Variants in LRMDA observed in about 807,000 individuals in gnomAD.
The protein encoded by LRMDA is leucine-rich melanocyte differentiation-associated protein.
In LRMDA, 18 loss-of-function variants were observed where a neutral mutation model predicts 29.8. The observed-to-expected ratio is 0.60, with a 90% CI of 0.42 to 0.90. The LOEUF (loss-of-function observed/expected upper bound fraction) is 0.90. Among genes scored for constraint, LRMDA ranks in the 40% least tolerant of loss-of-function variants. The probability of loss-of-function intolerance (pLI) is 0.00; values close to 1 mark genes in which losing one functional copy is unlikely to be tolerated. For missense variants in LRMDA, 273 were observed against 273.9 expected, an observed-to-expected ratio of 1.00 and a Z score of 0.02; for synonymous variants, 125 against 109.4, an observed-to-expected ratio of 1.14 and a Z score of -0.89.
intron 2 of LRMDA, among the ~76,000 whole-genome samples, chr10:75,572,617 A>T (rs1172609562): frequency 6.6e-6 from 1 of 152,218 alleles, no homozygotes; most frequent in Non-Finnish European, 1.5e-5. Context: ...TTATAACTTT[A>T]TTTGAAAATA....
At chr10:75,963,768 A>G (rs760544080) in intron 2 of LRMDA, among the ~76,000 whole-genome samples, 1 of 152,248 alleles carries the variant, frequency 6.6e-6, no homozygotes, top group Non-Finnish European at 1.5e-5. Flanking sequence ...AGTGCTTTGA[A>G]CAATACAAAG....
intron 2 of LRMDA, among the ~76,000 whole-genome samples, chr10:76,034,590 C>T (rs893760462): frequency 1.3e-5 from 2 of 152,102 alleles, no homozygotes; most frequent in African/African-American, 4.8e-5. Flanking sequence ...TTTTATACCT[C>T]GTAAGTATTG....
At chr10:76,145,171 C>A (rs1410404414) in intron 5 of LRMDA, among the ~76,000 whole-genome samples, 2 of 152,118 alleles carry the variant, frequency 1.3e-5, no homozygotes, top group Non-Finnish European at 2.9e-5. Context: ...GTTGTCTCTG[C>A]CAGACTTTGG....
At chr10:76,345,060 C>CT (rs60233969) in intron 6 of LRMDA, among the ~76,000 whole-genome samples, 10,815 of 77,578 alleles carry the variant, frequency 0.14, 1,483 homozygotes, top group African/African-American at 0.29. Context: ...AACACAAAAC[C>CT]TTTTTTTTTT....
intron 6 of LRMDA, among the ~76,000 whole-genome samples, chr10:76,516,340 A>T (rs73292586): frequency 0.056 from 7,424 of 131,824 alleles, 234 homozygotes; most frequent in African/African-American, 0.073. Context: ...AGTTTTTTTT[A>T]AAATTATTTT....
At chr10:75,671,146 A>C (rs1250651588) in intron 2 of LRMDA, among the ~76,000 whole-genome samples, 2 of 152,170 alleles carry the variant, frequency 1.3e-5, no homozygotes, top group Non-Finnish European at 2.9e-5. Context: ...TGAGAAATAA[A>C]TTGCCTTTCA....
chr10:75,460,347 A>G (rs1380354336), intron 2 of LRMDA, among the ~76,000 whole-genome samples: 1 of 152,194 alleles, frequency 6.6e-6, no homozygotes, highest in Non-Finnish European at 1.5e-5. Flanking sequence ...AATAGTTAAA[A>G]TAATTTAAAA....
intron 2 of LRMDA, among the ~76,000 whole-genome samples, chr10:75,836,277 T>C (rs1320589768): frequency 6.6e-6 from 1 of 152,166 alleles, no homozygotes; most frequent in African/African-American, 2.4e-5. Context: ...ACACATGTTA[T>C]AGAGCTCAAG....
chr10:76,522,730 C>T (rs1201439780), intron 6 of LRMDA, among the ~76,000 whole-genome samples: 1 of 152,166 alleles, frequency 6.6e-6, no homozygotes, highest in Non-Finnish European at 1.5e-5. Context: ...GGATGATCCC[C>T]CGCCACCTCT....
chr10:76,002,367 G>A (rs1320918459), intron 2 of LRMDA, among the ~76,000 whole-genome samples: 1 of 152,146 alleles, frequency 6.6e-6, no homozygotes, highest in Non-Finnish European at 1.5e-5. Context: ...GAGGTTGCGG[G>A]GTGGGGCACA....
At chr10:75,767,796 G>A (rs1025555064) in intron 2 of LRMDA, among the ~76,000 whole-genome samples, 3 of 152,196 alleles carry the variant, frequency 2.0e-5, no homozygotes, top group African/African-American at 2.4e-5. Flanking sequence ...CAATGTATTC[G>A]CAAATGTGAT....
intron 5 of LRMDA, among the ~76,000 whole-genome samples, chr10:76,071,339 GAAAC>G (rs1226147423): frequency 2.6e-5 from 4 of 152,140 alleles, no homozygotes; most frequent in Admixed American, 6.5e-5. Context: ...ACTGTATTAT[GAAAC>G]AAACAAACAA....
intron 2 of LRMDA, among the ~76,000 whole-genome samples, chr10:75,802,972 ATTTTTT>A (rs141657133): frequency 5.8e-4 from 64 of 110,048 alleles, no homozygotes; most frequent in South Asian, 2.2e-3. Flanking sequence ...ATATATATAT[ATTTTTT>A]TTTTTTTCTT....
intron 5 of LRMDA, among the ~76,000 whole-genome samples, chr10:76,285,955 G>A (rs374698751): frequency 3.1e-4 from 47 of 152,124 alleles, no homozygotes; most frequent in African/African-American, 1.1e-3. Context: ...AAGCATATTC[G>A]GCAATCTTTA....
At chr10:75,717,340 A>C (rs1842513832) in intron 2 of LRMDA, among the ~76,000 whole-genome samples, 1 of 152,226 alleles carries the variant, frequency 6.6e-6, no homozygotes, top group East Asian at 1.9e-4. Context: ...CTCCATTTGC[A>C]GAGTCAAGCC....
chr10:75,698,645 G>A (rs1470667597), intron 2 of LRMDA, among the ~76,000 whole-genome samples: 1 of 129,134 alleles, frequency 7.7e-6, no homozygotes, highest in Non-Finnish European at 1.8e-5. Context: ...ACAGTGGTCC[G>A]TAGTGACACC....
chr10:76,062,250 G>T (rs1463162494), intron 5 of LRMDA, among the ~76,000 whole-genome samples: 3 of 152,176 alleles, frequency 2.0e-5, no homozygotes, highest in Admixed American at 6.5e-5. Flanking sequence ...TGCTCTGATG[G>T]ATGATTAAGG....
At position 76,541,103 on chromosome 10, in the gene LRMDA, G is replaced by C. The variant is rs566531114; in HGVS notation, c.602-16106G>C. Among the ~76,000 whole-genome samples the C allele has an allele frequency of 6.6e-5, 10 of 152,264 alleles. No individual in the cohort carries two copies. The East Asian group carries it at 9.7e-4, about 15-fold the overall frequency. ...CCAAATTTGGAATTGTATGTTCCTA[G>C]GTCCATTCATTTGGCTCCTATGTAT... On this transcript the variant is annotated intron_variant, in intron 6 of 6. Transcript: ENST00000611255.
At chr10:76,399,087 G>A (rs1481059553) in intron 6 of LRMDA, among the ~76,000 whole-genome samples, 1 of 152,166 alleles carries the variant, frequency 6.6e-6, no homozygotes, top group Non-Finnish European at 1.5e-5. Flanking sequence ...CATAGATGTT[G>A]TCTGTGTGAT....
Sources: gnomAD v4.1 joint callset for allele counts (sites outside exome capture counted in the v4.1 genomes callset) on GRCh38, gnomAD v4.1.1 for gene constraint, MANE v1.5 for transcripts, NCBI Gene and HGNC (gene_info 2026-07-23, HGNC 2026-07-21) for gene names.